TUBB8B: variants seen among roughly 807,000 people sequenced by gnomAD.
TUBB8B encodes HSA18p11 beta-tubulin 4Q pseudogene.
In TUBB8B, 26 loss-of-function variants were observed where a neutral mutation model predicts 31.9. That is an observed-to-expected ratio of 0.81 (90% CI 0.60 to 1.13). TUBB8B has a LOEUF of 1.13. Ranked by LOEUF, TUBB8B falls within the 50% of genes most tolerant of loss-of-function variation. TUBB8B has a pLI of 0.00. For synonymous variants in TUBB8B, 173 were observed against 231.0 expected (o/e 0.75, Z 2.28); for missense variants, 467 against 586.7 (o/e 0.80, Z 2.11).
the TUBB8B span, among the ~76,000 whole-genome samples, chr18:72,940 C>A: frequency 1.3e-5 from 2 of 152,130 alleles, no homozygotes; most frequent in African/African-American, 2.4e-5. Flanking sequence ...GCACTCCAAC[C>A]TGGGAAACGA....
At chr18:50,520 C>A (rs1906046562), upstream of TUBB8B, 1 of 152,686 alleles carries the variant, frequency 6.5e-6, no homozygotes, top group South Asian at 2.1e-4. Context: ...GGCTGAGTCA[C>A]CTGTTTTAGT....
chr18:59,786 C>T, the TUBB8B span, among the ~76,000 whole-genome samples: 125 of 151,642 alleles, frequency 8.2e-4, 2 homozygotes, highest in Non-Finnish European at 1.4e-3. Flanking sequence ...TCAGGAGATC[C>T]ACCTATCTCG....
chr18:55,527 A>G, the TUBB8B span, among the ~76,000 whole-genome samples: 3 of 151,852 alleles, frequency 2.0e-5, no homozygotes, highest in Admixed American at 1.3e-4. Context: ...CAGGCGAGAC[A>G]GCATGTATGT....
chr18:63,351 C>T, the TUBB8B span, among the ~76,000 whole-genome samples: 1 of 151,784 alleles, frequency 6.6e-6, no homozygotes, highest in Non-Finnish European at 1.5e-5. Context: ...AGAGGTACTG[C>T]TGTGGTGGCC....
chr18:68,671 A>T, the TUBB8B span, among the ~76,000 whole-genome samples: 2 of 152,080 alleles, frequency 1.3e-5, no homozygotes, highest in African/African-American at 4.8e-5. Context: ...CAAAATTCTC[A>T]TTTTCAAACC....
At chr18:51,959 ACT>A (rs894292748), upstream of TUBB8B, among the ~76,000 whole-genome samples, 5 of 151,418 alleles carry the variant, frequency 3.3e-5, no homozygotes, top group African/African-American at 1.2e-4. Flanking sequence ...GCACCTGTGG[ACT>A]CTGACAGGCA....
upstream of TUBB8B, chr18:50,617 C>T (rs1299913445): frequency 6.6e-6 from 1 of 151,922 alleles, no homozygotes; most frequent in East Asian, 1.9e-4. Context: ...CATGAAAGTG[C>T]TGAGTTATAC....
upstream of TUBB8B, among the ~76,000 whole-genome samples, chr18:52,146 AGTTT>A (rs529174853): frequency 2.8e-4 from 43 of 152,030 alleles, no homozygotes; most frequent in Admixed American, 9.8e-4. Flanking sequence ...TTCTAATGTT[AGTTT>A]ATTAGCTTTG....
the TUBB8B span, among the ~76,000 whole-genome samples, chr18:60,352 TG>T: frequency 6.6e-6 from 1 of 151,772 alleles, no homozygotes; most frequent in Admixed American, 6.6e-5. Flanking sequence ...TTTATTAATT[TG>T]TATCTTCTCT....
At chr18:72,147 C>T in the TUBB8B span, among the ~76,000 whole-genome samples, 6 of 123,696 alleles carry the variant, frequency 4.9e-5, no homozygotes, top group Non-Finnish European at 8.0e-5. Context: ...CACTGCACTC[C>T]AGCCTGGGAG....
At chr18:63,037 C>T in the TUBB8B span, among the ~76,000 whole-genome samples, 1 of 151,686 alleles carries the variant, frequency 6.6e-6, no homozygotes, top group Non-Finnish European at 1.5e-5. Flanking sequence ...TCCTTCTCTG[C>T]ATTATATTGA....
At chr18:59,788 C>G in the TUBB8B span, among the ~76,000 whole-genome samples, 1 of 151,670 alleles carries the variant, frequency 6.6e-6, no homozygotes, top group Non-Finnish European at 1.5e-5. Flanking sequence ...AGGAGATCCA[C>G]CTATCTCGGC....
At chr18:65,692 T>A in the TUBB8B span, among the ~76,000 whole-genome samples, 2 of 152,144 alleles carry the variant, frequency 1.3e-5, no homozygotes, top group Non-Finnish European at 2.9e-5. Flanking sequence ...GTATGGGAAG[T>A]TCCATCCACA....
At chr18:63,612 AAGCCCT>A in the TUBB8B span, among the ~76,000 whole-genome samples, 1 of 151,000 alleles carries the variant, frequency 6.6e-6, no homozygotes, top group African/African-American at 2.4e-5. Flanking sequence ...ACTTTATTAA[AAGCCCT>A]AGCCCTAGCC....
chr18:47,462 T>C lies in TUBB8B; in HGVS notation c.1263A>G (p.Glu421=), dbSNP rs1225239500. ...AESNMNDLVS[E]YQQYQDATAE... ...CCGTGGCATCCTGATATTGCTGATA[T>C]TCAGACACCAGGTCGTTCATGTTGC... is the stretch of plus-strand genomic sequence containing the variant. The change falls in exon 4 of 4, where the codon GAA becomes GAG. Residue 421 remains glutamate (E), a synonymous_variant. Transcript: ENST00000308911. 1.4e-6 allele frequency: 2 copies of C among 1,472,280 alleles called. No homozygotes were observed. The highest frequency in any genetic ancestry group is 2.3e-5 in the South Asian group (2 of 88,072). The allele number at this position is 1,472,280 out of a possible 1,614,324, so 91.2% of individuals were successfully genotyped here. A position where few individuals can be genotyped will look rare whatever the true frequency, so the allele number is the denominator to read the frequency against.
chr18:68,871 C>G, the TUBB8B span, among the ~76,000 whole-genome samples: 2 of 152,274 alleles, frequency 1.3e-5, no homozygotes, highest in Admixed American at 1.3e-4. Context: ...ACAGCAGCCT[C>G]CTGGGTGTCT....
At chr18:72,196 A>AAACAAC in the TUBB8B span, among the ~76,000 whole-genome samples, 4 of 84,536 alleles carry the variant, frequency 4.7e-5, no homozygotes, top group South Asian at 4.4e-4. Flanking sequence ...AAAAAAAAAA[A>AAACAAC]AAAGGAAAAA....
chr18:52,022 C>T (rs1192147165), upstream of TUBB8B, among the ~76,000 whole-genome samples: 3 of 151,078 alleles, frequency 2.0e-5, no homozygotes, highest in African/African-American at 4.8e-5. Flanking sequence ...TCTGGAGGGT[C>T]GGTCTAGCAA....
chr18:62,617 T>C, the TUBB8B span, among the ~76,000 whole-genome samples: 1 of 151,514 alleles, frequency 6.6e-6, no homozygotes, highest in African/African-American at 2.4e-5. Context: ...GAAATGGTGT[T>C]TCACTGTGTT....
Sources: allele counts gnomAD v4.1 joint callset (sites outside exome capture counted in the v4.1 genomes callset), GRCh38; gene constraint gnomAD v4.1.1; transcripts MANE v1.5; gene names NCBI Gene and HGNC (gene_info 2026-07-23, HGNC 2026-07-21).